CAST: variants seen among roughly 807,000 people sequenced by gnomAD.
CAST encodes calpastatin.
CAST carries 76 observed loss-of-function variants against 119.6 expected under a neutral mutation model. The ratio of observed to expected loss-of-function variants is 0.64; its 90% CI spans 0.53 to 0.77. The LOEUF (loss-of-function observed/expected upper bound fraction) is 0.77. CAST is among the 30% of genes least tolerant of loss of function. The pLI, the probability that CAST is intolerant of heterozygous loss-of-function variation, is 0.00. For missense variants in CAST, 953 were observed against 946.5 expected (o/e 1.01, Z -0.09); for synonymous variants, 319 against 331.6 (o/e 0.96, Z 0.41).
chr5:96,357,621 G>C, the CAST span, among the ~76,000 whole-genome samples: 1 of 152,182 alleles, frequency 6.6e-6, no homozygotes, highest in East Asian at 1.9e-4. Flanking sequence ...CTGTTTATGT[G>C]ATGGATTACA....
chr5:96,167,418 G>A, the CAST span, among the ~76,000 whole-genome samples: 4 of 152,178 alleles, frequency 2.6e-5, no homozygotes, highest in African/African-American at 4.8e-5. Context: ...CTGGTGTCTG[G>A]GATGAGACTG....
the CAST span, chr5:96,416,216 T>G: frequency 1.2e-6 from 1 of 846,338 alleles, no homozygotes; most frequent in East Asian, 2.5e-5. Context: ...ATATTAACTT[T>G]TTGTCGGCCT....
At chr5:96,454,999 T>C in the CAST span, among the ~76,000 whole-genome samples, 1 of 152,254 alleles carries the variant, frequency 6.6e-6, no homozygotes, top group African/African-American at 2.4e-5. Context: ...TGTGATAGTG[T>C]TAAAATTTTC....
intron 1 of CAST, among the ~76,000 whole-genome samples, chr5:96,615,616 G>A (rs988916038): frequency 3.3e-4 from 50 of 152,308 alleles, no homozygotes; most frequent in African/African-American, 1.2e-3. Context: ...GGAGGCCAGG[G>A]AGCCTAAGAG....
At chr5:96,403,027 C>A in the CAST span, among the ~76,000 whole-genome samples, 3 of 152,128 alleles carry the variant, frequency 2.0e-5, no homozygotes, top group Non-Finnish European at 4.4e-5. Context: ...CCGTTTGGAT[C>A]ATCAGTATGT....
upstream of CAST, chr5:96,662,324 C>T (rs1748632267): frequency 4.0e-6 from 2 of 505,620 alleles, no homozygotes; most frequent in Admixed American, 5.3e-5. Flanking sequence ...CCCTCCGCTC[C>T]CTCCCTCCCT....
the CAST span, among the ~76,000 whole-genome samples, chr5:96,026,722 A>G: frequency 6.6e-6 from 1 of 152,256 alleles, no homozygotes; most frequent in Non-Finnish European, 1.5e-5. Flanking sequence ...TTCTTCTGGT[A>G]GTATAAATGC....
At chr5:96,002,411 C>T in the CAST span, among the ~76,000 whole-genome samples, 1 of 152,152 alleles carries the variant, frequency 6.6e-6, no homozygotes, top group Non-Finnish European at 1.5e-5. Flanking sequence ...ACAGACAGGT[C>T]CTCTGCATGT....
the CAST span, among the ~76,000 whole-genome samples, chr5:96,077,692 T>C: frequency 1.3e-5 from 2 of 152,168 alleles, no homozygotes; most frequent in African/African-American, 4.8e-5. Flanking sequence ...TCCTGCTTCC[T>C]TTCTTGCCAT....
the CAST span, among the ~76,000 whole-genome samples, chr5:96,469,598 C>G: frequency 6.6e-6 from 1 of 151,748 alleles, no homozygotes; most frequent in Non-Finnish European, 1.5e-5. Context: ...TGAGAATTCC[C>G]CTTTTCTCTT....
At chr5:96,764,238 G>A (rs537144375) in intron 25 of CAST, among the ~76,000 whole-genome samples, 28 of 152,108 alleles carry the variant, frequency 1.8e-4, no homozygotes, top group Non-Finnish European at 3.5e-4. Context: ...CATACAACTA[G>A]TATTGTTTTA....
chr5:96,330,607 AG>A, the CAST span, among the ~76,000 whole-genome samples: 2 of 152,186 alleles, frequency 1.3e-5, no homozygotes, highest in South Asian at 4.1e-4. Context: ...GCTTTTAAGA[AG>A]CTTCTAACAA....
At chr5:96,453,895 A>AG in the CAST span, among the ~76,000 whole-genome samples, 15 of 147,848 alleles carry the variant, frequency 1.0e-4, no homozygotes, top group Admixed American at 1.0e-3. Flanking sequence ...CCAGATTGGA[A>AG]GAAAAAAAAA....
At chr5:96,491,059 A>T in the CAST span, among the ~76,000 whole-genome samples, 1 of 152,074 alleles carries the variant, frequency 6.6e-6, no homozygotes, top group South Asian at 2.1e-4. Flanking sequence ...AACAGAAAAA[A>T]ATAGGCAAAA....
At chr5:96,027,214 T>C in the CAST span, among the ~76,000 whole-genome samples, 2 of 152,062 alleles carry the variant, frequency 1.3e-5, no homozygotes, top group Admixed American at 1.3e-4. Context: ...AACAATTACC[T>C]ATGTCTTGAT....
At chr5:96,165,963 A>G in the CAST span, among the ~76,000 whole-genome samples, 25 of 72,092 alleles carry the variant, frequency 3.5e-4, no homozygotes, top group African/African-American at 1.2e-3. Flanking sequence ...TTTCATTTTC[A>G]TTATCCATTT....
the CAST span, among the ~76,000 whole-genome samples, chr5:96,205,676 T>G: frequency 6.6e-6 from 1 of 152,066 alleles, no homozygotes; most frequent in Non-Finnish European, 1.5e-5. Context: ...TGTAGTATTC[T>G]ATGGTATATA....
rs776467210 is a variant in CAST, at chr5:96,767,952, C to A, written c.2221C>A (p.Leu741Met). Residue 741 changes from leucine to methionine, a missense_variant, in exon 29 of 32, where the codon CTG becomes ATG. Transcript: ENST00000675179. ...QDPIDALSGD[L>M]DSCPSTTETS... ...CCCCATTGATGCTCTCTCAGGAGAT[C>A]TGGACAGCTGTCCCTCCACTACAGA... 2 of 1,613,658 alleles carry A rather than the reference C, an allele frequency of 1.2e-6. No individual in the cohort carries two copies. The highest frequency in any genetic ancestry group is 3.3e-5 in the Admixed American group (2 of 59,990).
chr5:96,311,826 G>A, the CAST span, among the ~76,000 whole-genome samples: 1 of 151,714 alleles, frequency 6.6e-6, no homozygotes, highest in Non-Finnish European at 1.5e-5. Flanking sequence ...TTTCTTATAG[G>A]CAGCATATAA....
Sources: gnomAD v4.1 joint callset for allele counts (sites outside exome capture counted in the v4.1 genomes callset) on GRCh38, gnomAD v4.1.1 for gene constraint, MANE v1.5 for transcripts, NCBI Gene and HGNC (gene_info 2026-07-23, HGNC 2026-07-21) for gene names.